COL25A1: variants seen among roughly 807,000 people sequenced by gnomAD.
The protein encoded by COL25A1 is collagen type XXV alpha 1 chain, also known as collagen alpha-1(XXV) chain.
In COL25A1, 103 loss-of-function variants were observed where a neutral mutation model predicts 128.4. The observed-to-expected ratio is 0.80, with a 90% CI of 0.68 to 0.94. COL25A1 has a LOEUF of 0.94. Ranked by LOEUF, COL25A1 falls within the 40% of genes least tolerant of loss-of-function variation. The pLI is 0.00. For missense variants in COL25A1, 745 were observed against 840.0 expected, an observed-to-expected ratio of 0.89 and a Z score of 1.40; for synonymous variants, 279 against 277.2, an observed-to-expected ratio of 1.01 and a Z score of -0.06.
intron 6 of COL25A1, among the ~76,000 whole-genome samples, chr4:108,976,949 A>T (rs1341215677): frequency 1.3e-5 from 2 of 152,248 alleles, no homozygotes; most frequent in African/African-American, 4.8e-5. Flanking sequence ...GTATTATGAT[A>T]ATCCTTTTAC....
chr4:108,905,683 T>G (rs924716777), intron 13 of COL25A1, among the ~76,000 whole-genome samples: 2 of 151,966 alleles, frequency 1.3e-5, no homozygotes, highest in African/African-American at 4.8e-5. Flanking sequence ...ATAAAATTAT[T>G]TAATTATTAG....
chr4:108,989,475 T>C (rs1429435082), intron 6 of COL25A1, among the ~76,000 whole-genome samples: 2 of 152,228 alleles, frequency 1.3e-5, no homozygotes, highest in African/African-American at 4.8e-5. Context: ...TACTTGACTA[T>C]ATCAATTAAG....
At chr4:109,189,011 G>A (rs761407103) in intron 3 of COL25A1, among the ~76,000 whole-genome samples, 9 of 152,044 alleles carry the variant, frequency 5.9e-5, no homozygotes, top group Middle Eastern at 3.4e-3. Flanking sequence ...TAAAATGAAT[G>A]TTTTCTTCAA....
chr4:108,844,380 A>C (rs1040748072), intron 30 of COL25A1, 139 bp downstream of exon 30: 2 of 1,437,692 alleles, frequency 1.4e-6, no homozygotes, highest in African/African-American at 2.8e-5. Context: ...AATATATCTC[A>C]AAGCACCTGG....
chr4:109,247,739 T>C (rs988667392), intron 3 of COL25A1, among the ~76,000 whole-genome samples: 37 of 151,938 alleles, frequency 2.4e-4, no homozygotes, highest in African/African-American at 8.0e-4. Context: ...CACCAGGTAG[T>C]TAAAAACATG....
At chr4:109,064,028 CAG>C (rs1396134855) in intron 3 of COL25A1, among the ~76,000 whole-genome samples, 2 of 152,106 alleles carry the variant, frequency 1.3e-5, no homozygotes, top group African/African-American at 4.8e-5. Flanking sequence ...ACTTGACAAA[CAG>C]AGTCAAAGTT....
chr4:108,981,203 C>T (rs940226276), intron 6 of COL25A1, among the ~76,000 whole-genome samples: 1 of 152,082 alleles, frequency 6.6e-6, no homozygotes, highest in Non-Finnish European at 1.5e-5. Context: ...ATACATCCAC[C>T]CTACTTCTGA....
At chr4:108,936,003 G>A (rs2125921013) in intron 11 of COL25A1, among the ~76,000 whole-genome samples, 1 of 152,256 alleles carries the variant, frequency 6.6e-6, no homozygotes, top group South Asian at 2.1e-4. Flanking sequence ...AGCCCACATA[G>A]CTTTCGATAT....
At chr4:108,825,123 C>T (rs1304261611) in intron 34 of COL25A1, 73 bp downstream of exon 34, 1 of 1,243,448 alleles carries the variant, frequency 8.0e-7, no homozygotes, top group African/African-American at 1.5e-5. Context: ...AAGAAGTATT[C>T]TTTTTGTTAT....
At chr4:108,982,417 G>T (rs941917548) in intron 6 of COL25A1, among the ~76,000 whole-genome samples, 1 of 152,060 alleles carries the variant, frequency 6.6e-6, no homozygotes, top group African/African-American at 2.4e-5. Flanking sequence ...TAGACTAAAC[G>T]TCAGGCCCTA....
intron 6 of COL25A1, among the ~76,000 whole-genome samples, chr4:108,998,291 C>A (rs1043308555): frequency 6.6e-6 from 1 of 152,174 alleles, no homozygotes; most frequent in African/African-American, 2.4e-5. Flanking sequence ...GATACAAAAT[C>A]AATGTGCAAA....
intron 3 of COL25A1, among the ~76,000 whole-genome samples, chr4:109,251,089 G>A (rs1161443448): frequency 6.6e-6 from 1 of 152,126 alleles, no homozygotes; most frequent in Non-Finnish European, 1.5e-5. Flanking sequence ...ATACGAAAGT[G>A]ATACATCTTA....
chr4:108,978,532 G>A (rs549112207), intron 6 of COL25A1, among the ~76,000 whole-genome samples: 2 of 151,356 alleles, frequency 1.3e-5, no homozygotes, highest in African/African-American at 2.4e-5. Context: ...ATTAAAATTG[G>A]GGTATTAATT....
At chr4:109,155,392 G>A (rs1329528086) in intron 3 of COL25A1, among the ~76,000 whole-genome samples, 3 of 152,112 alleles carry the variant, frequency 2.0e-5, no homozygotes, top group African/African-American at 7.2e-5. Flanking sequence ...TAAAACAACA[G>A]GGTTTTTAAA....
In COL25A1 at chr4:108,848,780, G is replaced by T; in HGVS notation, c.1413C>A (p.Ile471=). 1 of 1,604,942 alleles carries T rather than the reference G, an allele frequency of 6.2e-7. No homozygotes were observed. The change falls in exon 27 of 38, where the codon ATC becomes ATA. Residue 471 remains isoleucine, a synonymous_variant. Transcript: ENST00000399132. ...TTACCTGCTCTCCATCCATTCCTGG[G>T]ATTCCTGGAGATCCCTGCTCTCCCT... ...GPKGEQGSPG[I]PGMDGEQGLK... is the part of the protein sequence containing the mutation.
chr4:108,842,308 T>C (rs1394602948), intron 30 of COL25A1, among the ~76,000 whole-genome samples: 1 of 152,234 alleles, frequency 6.6e-6, no homozygotes, highest in East Asian at 1.9e-4. Context: ...TTAGATTGCA[T>C]TTATTTTTAC....
chr4:109,273,928 T>C (rs1782368641), intron 3 of COL25A1, among the ~76,000 whole-genome samples: 3 of 152,180 alleles, frequency 2.0e-5, no homozygotes, highest in Non-Finnish European at 4.4e-5. Context: ...ATCTTTTAAA[T>C]ACACCAAGTT....
chr4:108,832,821 T>G (rs974564400), intron 31 of COL25A1: 3 of 159,934 alleles, frequency 1.9e-5, no homozygotes, highest in Non-Finnish European at 2.7e-5. Context: ...GCCAACATGG[T>G]GAAACCCCGT....
intron 18 of COL25A1, among the ~76,000 whole-genome samples, chr4:108,886,053 G>A (rs1202793122): frequency 6.6e-6 from 1 of 152,182 alleles, no homozygotes; most frequent in Non-Finnish European, 1.5e-5. Context: ...ACTACTTACA[G>A]AGATTGAGCA....
Sources: gnomAD v4.1 joint callset for allele counts (sites outside exome capture counted in the v4.1 genomes callset) on GRCh38, gnomAD v4.1.1 for gene constraint, MANE v1.5 for transcripts, NCBI Gene and HGNC (gene_info 2026-07-23, HGNC 2026-07-21) for gene names.